Variants in OR5V1 observed in about 807,000 individuals in gnomAD.
OR5V1 encodes olfactory receptor 5V1.
For synonymous variants in OR5V1, 134 were observed against 143.2 expected (o/e 0.94, Z 0.46); for missense variants, 365 against 371.5 (o/e 0.98, Z 0.14).
Position 29,354,368 on chromosome 6 carries a change from G to C in OR5V1, c.*862C>G, listed in dbSNP as rs1778154487. 1 of 151,914 alleles carries C rather than the reference G, an allele frequency of 6.6e-6. No individual in the cohort carries two copies. Among genetic ancestry groups the C allele is most frequent in the South Asian group, 2.1e-4 (1 of 4,824 alleles). 9.4% of individuals were successfully genotyped at this position (151,914 alleles called of 1,614,324 possible). A position where few individuals can be genotyped will look rare whatever the true frequency, so the allele number is the denominator to read the frequency against. ...ACATGGTAATAACACATAGAAAATA[G>C]TAATTAAGTACTTTTACTTTTAACA... On this transcript the variant is annotated 3_prime_UTR_variant, in exon 2 of 2. Coordinates refer to ENST00000641768, the MANE Select transcript of OR5V1 (RefSeq NM_030876.6).
chr6:29,358,761 G>A (rs905928779), intron 1 of OR5V1, among the ~76,000 whole-genome samples: 6 of 152,160 alleles, frequency 3.9e-5, no homozygotes, highest in African/African-American at 1.4e-4. Flanking sequence ...AATCTATTGA[G>A]GTAGAAAATA....
rs994281597 is a variant in OR5V1, at chr6:29,358,178, G to A, written c.-82-1901C>T. 3.3e-5 allele frequency among the ~76,000 whole-genome samples: 5 copies of A among 152,204 alleles called. 1 individual carries two copies. The Middle Eastern group carries it at 0.014, about 414-fold the overall frequency. ...TGGGACAATTTTCATTCCATCTACA[G>A]AAGAACTCCAAAATTGTATTCTCAA... On this transcript the variant is annotated intron_variant, in intron 1 of 1. Transcript: ENST00000641768.
intron 1 of OR5V1, among the ~76,000 whole-genome samples, chr6:29,362,273 C>A (rs1322477418): frequency 6.6e-6 from 1 of 152,130 alleles, no homozygotes; most frequent in African/African-American, 2.4e-5. Flanking sequence ...TAAAGGAGCA[C>A]CCAGATTCAT....
intron 1 of OR5V1, among the ~76,000 whole-genome samples, chr6:29,360,326 T>C (rs1038517764): frequency 3.9e-5 from 6 of 152,228 alleles, no homozygotes; most frequent in African/African-American, 1.4e-4. Context: ...AAGGGGCAGC[T>C]GTGGGCGCAG....
chr6:29,360,367 G>A (rs9257778), intron 1 of OR5V1, among the ~76,000 whole-genome samples: 2,777 of 152,310 alleles, frequency 0.018, 37 homozygotes, highest in East Asian at 0.032. Flanking sequence ...CCTGCCTGCC[G>A]GCTCTGAAGA....
At chr6:29,358,117 A>G (rs1477257720) in intron 1 of OR5V1, among the ~76,000 whole-genome samples, 1 of 152,104 alleles carries the variant, frequency 6.6e-6, no homozygotes, top group African/African-American at 2.4e-5. Context: ...TTCACATAAT[A>G]TAGTATTTCA....
chr6:29,358,268 C>T (rs1396578085), intron 1 of OR5V1, among the ~76,000 whole-genome samples: 2 of 152,088 alleles, frequency 1.3e-5, no homozygotes, highest in African/African-American at 4.8e-5. Flanking sequence ...TTTCCTTCCA[C>T]TTCTGAGGAG....
At chr6:29,361,383 CCCAA>C (rs1278196929) in intron 1 of OR5V1, among the ~76,000 whole-genome samples, 50 of 152,020 alleles carry the variant, frequency 3.3e-4, no homozygotes, top group Middle Eastern at 3.4e-3. Context: ...GGAGACCTTC[CCCAA>C]CCTAGCAAGA....
At chr6:29,363,650 C>G (rs1181522210) in intron 1 of OR5V1, among the ~76,000 whole-genome samples, 1 of 152,164 alleles carries the variant, frequency 6.6e-6, no homozygotes, top group Non-Finnish European at 1.5e-5. Flanking sequence ...TCAACATACA[C>G]AAATCAATAA....
rs369517606 is a variant in OR5V1, at chr6:29,356,158, A to C, written c.38T>G (p.Ile13Ser). Residue 13 changes from isoleucine (I) to serine (S), a missense_variant, in exon 2 of 2, where the codon ATC (isoleucine) becomes AGC (serine). Coordinates refer to ENST00000641768, the MANE Select transcript of OR5V1 (RefSeq NM_030876.6). Reference sequence around the variant, plus strand: ...ATTTAGGTTGGAGAATCCCAAGATGATGAATTCAGTTATAGCTGTTTGATT... The same window carrying C: ...ATTTAGGTTGGAGAATCCCAAGATGCTGAATTCAGTTATAGCTGTTTGATT... The part of the protein sequence containing the change: ...RKNQTAITEF[I>S]ILGFSNLNEL... 1.2e-6 allele frequency: 2 copies of C among 1,603,674 alleles called. No homozygotes were observed. Among genetic ancestry groups the C allele is most frequent in the African/African-American group, 1.3e-5 (1 of 74,542 alleles).
chr6:29,355,954 A>G lies in OR5V1; in HGVS notation c.242T>C (p.Met81Thr). Residue 81 changes from methionine to threonine, a missense_variant, in exon 2 of 2, where the codon ATG (methionine) becomes ACG (threonine). Transcript: ENST00000641768. Reference sequence around the variant, plus strand: ...TTTCTTTGAGAGGAGGTGCACCATCATCTGGGGGACATTGCTGGTGGTGTA... The same window carrying G: ...TTTCTTTGAGAGGAGGTGCACCATCGTCTGGGGGACATTGCTGGTGGTGTA... Reference protein sequence around the residue: ...ICYTTSNVPQMMVHLLSKKKS... With the variant: ...ICYTTSNVPQTMVHLLSKKKS... 1 of 1,614,040 alleles carries G rather than the reference A, an allele frequency of 6.2e-7. No homozygotes were observed. Among genetic ancestry groups the G allele is most frequent in the Non-Finnish European group, 8.5e-7 (1 of 1,179,942 alleles).
chr6:29,357,753 TAA>T (rs913010351), intron 1 of OR5V1, among the ~76,000 whole-genome samples: 16 of 152,158 alleles, frequency 1.1e-4, no homozygotes, highest in Admixed American at 1.3e-4. Flanking sequence ...GAGCTTAGTT[TAA>T]GTTGGTTAAT....
Position 29,355,334 on chromosome 6 carries a change from T to C in OR5V1, c.862A>G (p.Ile288Val), listed in dbSNP as rs368165279. Residue 288 changes from isoleucine (I) to valine (V), a missense_variant, in exon 2 of 2, where the codon ATA (isoleucine) becomes GTA (valine). Transcript: ENST00000641768. Reference sequence around the variant, plus strand: ...TCCTTATTCCTCAATGTGTAAATTATAGGGTTTAGCATGGGGGTAACAACA... The same window carrying C: ...TCCTTATTCCTCAATGTGTAAATTACAGGGTTTAGCATGGGGGTAACAACA... Reference protein sequence around the residue: ...YSVVTPMLNPIIYTLRNKDIK... With the variant: ...YSVVTPMLNPVIYTLRNKDIK... 3 of 1,613,860 alleles carry C rather than the reference T, an allele frequency of 1.9e-6. No individual in the cohort carries two copies. Among genetic ancestry groups the C allele is most frequent in the African/African-American group, 2.7e-5 (2 of 74,910 alleles).
chr6:29,365,914 T>A (rs998233256), intron 1 of OR5V1, among the ~76,000 whole-genome samples: 1 of 152,150 alleles, frequency 6.6e-6, no homozygotes, highest in Non-Finnish European at 1.5e-5. Context: ...CAAATGCCCA[T>A]CAATGATAGA....
chr6:29,367,305 C>T (rs1778901063), intron 1 of OR5V1, among the ~76,000 whole-genome samples: 1 of 152,078 alleles, frequency 6.6e-6, no homozygotes, highest in Non-Finnish European at 1.5e-5. Flanking sequence ...GATTATGACA[C>T]ATAACACACA....
intron 1 of OR5V1, among the ~76,000 whole-genome samples, chr6:29,368,276 C>A (rs1239663874): frequency 6.6e-6 from 1 of 152,186 alleles, no homozygotes; most frequent in African/African-American, 2.4e-5. Flanking sequence ...GAAAGTCACA[C>A]GAAGTGTGTT....
At chr6:29,363,548 C>T (rs766763407) in intron 1 of OR5V1, among the ~76,000 whole-genome samples, 4 of 152,148 alleles carry the variant, frequency 2.6e-5, no homozygotes, top group Non-Finnish European at 5.9e-5. Context: ...CAAAAATGCT[C>T]AATAAACTAC....
chr6:29,356,749 A>G (rs1446477368), intron 1 of OR5V1, among the ~76,000 whole-genome samples: 2 of 152,178 alleles, frequency 1.3e-5, no homozygotes, highest in African/African-American at 2.4e-5. Flanking sequence ...AATCTTTAGT[A>G]GTCACCAGAG....
chr6:29,356,335 C>G, intron 1 of OR5V1, 58 bp from the exon 2 acceptor site: 1 of 955,986 alleles, frequency 1.0e-6, no homozygotes, highest in Non-Finnish European at 1.5e-6. Context: ...TATGTCAAAC[C>G]AGAGAAGCAG....
Sources: allele counts gnomAD v4.1 joint callset (sites outside exome capture counted in the v4.1 genomes callset), GRCh38; gene constraint gnomAD v4.1.1; transcripts MANE v1.5; gene names NCBI Gene and HGNC (gene_info 2026-07-23, HGNC 2026-07-21).